The following LYZL2 variants were observed in gnomAD, a reference collection of about 807,000 sequenced individuals.
LYZL2 encodes lysozyme like 2.
In LYZL2, 13 loss-of-function variants were observed where a neutral mutation model predicts 17.1. The observed-to-expected ratio is 0.76, with a 90% CI of 0.49 to 1.21. The LOEUF is 1.21. Ranked by LOEUF, LYZL2 falls within the 50% of genes most tolerant of loss-of-function variation. The pLI, the probability that LYZL2 is intolerant of heterozygous loss-of-function variation, is 0.00. For synonymous variants in LYZL2, 63 were observed against 74.4 expected, an observed-to-expected ratio of 0.85 and a Z score of 0.79; for missense variants, 166 against 189.2, an observed-to-expected ratio of 0.88 and a Z score of 0.72.
At chr10:30,614,720 G>A (rs1588673602) in intron 3 of LYZL2, among the ~76,000 whole-genome samples, 1 of 152,166 alleles carries the variant, frequency 6.6e-6, no homozygotes, top group African/African-American at 2.4e-5. Context: ...ATACTTGCTG[G>A]TGGGAGTATA....
downstream of LYZL2, among the ~76,000 whole-genome samples, chr10:30,610,025 G>A (rs907764726): frequency 1.4e-4 from 22 of 151,982 alleles, no homozygotes; most frequent in Admixed American, 1.2e-3. Flanking sequence ...CCAATCAGGG[G>A]TATCCAATCT....
At chr10:30,627,540 A>G (rs558773679) in intron 1 of LYZL2, among the ~76,000 whole-genome samples, 15 of 152,280 alleles carry the variant, frequency 9.9e-5, no homozygotes, top group African/African-American at 3.4e-4. Flanking sequence ...ATTTACAAAT[A>G]GTAAATATAT....
At chr10:30,609,217 A>G (rs898557942), downstream of LYZL2, among the ~76,000 whole-genome samples, 1 of 152,234 alleles carries the variant, frequency 6.6e-6, no homozygotes, top group Non-Finnish European at 1.5e-5. Flanking sequence ...ACAGTGAAAG[A>G]CATGGTCTAG....
intron 1 of LYZL2, among the ~76,000 whole-genome samples, chr10:30,627,964 C>T (rs1838744470): frequency 1.3e-5 from 2 of 152,166 alleles, no homozygotes; most frequent in South Asian, 2.1e-4. Context: ...TCAAGACCAT[C>T]CTGGCTAATG....
At chr10:30,606,455 C>T in the LYZL2 span, among the ~76,000 whole-genome samples, 206 of 149,012 alleles carry the variant, frequency 1.4e-3, 1 homozygote, top group African/African-American at 4.6e-3. Flanking sequence ...CAGGATCAAT[C>T]GATCCTTCCA....
intron 3 of LYZL2, among the ~76,000 whole-genome samples, chr10:30,613,969 C>A (rs1038282640): frequency 1.3e-5 from 2 of 152,186 alleles, no homozygotes; most frequent in African/African-American, 4.8e-5. Context: ...TTTGGCCTCC[C>A]AAAGTGCTGG....
At chr10:30,610,775 T>A (rs1193619954), downstream of LYZL2, among the ~76,000 whole-genome samples, 1 of 152,176 alleles carries the variant, frequency 6.6e-6, no homozygotes, top group Non-Finnish European at 1.5e-5. Flanking sequence ...AAAAAGTGGA[T>A]GGTTTTCTTC....
chr10:30,608,715 C>T (rs1442461812), downstream of LYZL2, among the ~76,000 whole-genome samples: 1 of 152,050 alleles, frequency 6.6e-6, no homozygotes, highest in African/African-American at 2.4e-5. Flanking sequence ...TTGTGAGGAG[C>T]ATATGAAATA....
chr10:30,614,846 T>C lies in LYZL2; in HGVS notation c.299-1946A>G, dbSNP rs544278776. On this transcript the variant is annotated intron_variant, in intron 3 of 4. Coordinates refer to ENST00000647634, the MANE Select transcript of LYZL2 (RefSeq NM_183058.3). ...CAGATCTATCCTAAGGAAATAGTCA[T>C]GACACTAGACAAATATTTCTTTACA... Among the ~76,000 whole-genome samples the C allele has an allele frequency of 3.9e-5, 6 of 152,348 alleles. No homozygotes were observed. The East Asian group carries it at 1.2e-3, about 29-fold the overall frequency.
At chr10:30,629,033 G>T (rs575060430) in intron 1 of LYZL2, among the ~76,000 whole-genome samples, 1 of 152,300 alleles carries the variant, frequency 6.6e-6, no homozygotes, top group East Asian at 1.9e-4. Flanking sequence ...TTTTCAGAGA[G>T]ATCATGCCAG....
downstream of LYZL2, among the ~76,000 whole-genome samples, chr10:30,611,321 G>C (rs1013082893): frequency 6.6e-6 from 1 of 151,746 alleles, no homozygotes; most frequent in Non-Finnish European, 1.5e-5. Context: ...TCAGAAATTT[G>C]AGACCAGGCT....
chr10:30,607,332 A>G (rs191367932), downstream of LYZL2, among the ~76,000 whole-genome samples: 3 of 152,098 alleles, frequency 2.0e-5, no homozygotes, highest in East Asian at 5.8e-4. Flanking sequence ...TTCAATACCC[A>G]GCGTTTCTTT....
chr10:30,613,063 T>C (rs1224234843), intron 3 of LYZL2, among the ~76,000 whole-genome samples, 163 bp from the exon 4 acceptor site: 1 of 152,246 alleles, frequency 6.6e-6, no homozygotes, highest in Non-Finnish European at 1.5e-5. Flanking sequence ...AGCTTCTTCA[T>C]AATGAAAAGA....
At chr10:30,609,032 G>T (rs1476107051), downstream of LYZL2, among the ~76,000 whole-genome samples, 2 of 152,050 alleles carry the variant, frequency 1.3e-5, no homozygotes, top group African/African-American at 2.4e-5. Flanking sequence ...TAGAGATGGG[G>T]TCTCATTGTG....
intron 3 of LYZL2, among the ~76,000 whole-genome samples, chr10:30,622,449 T>C (rs2132946292): frequency 6.6e-6 from 1 of 151,868 alleles, no homozygotes; most frequent in East Asian, 1.9e-4. Context: ...CTCAGGAAGC[T>C]GAGGCAGAAG....
Position 30,612,887 on chromosome 10 carries a change from A to C in LYZL2, c.312T>G (p.Asp104Glu). 6.2e-7 allele frequency: 1 copy of C among 1,613,934 alleles called. No homozygotes were observed. Among genetic ancestry groups the C allele is most frequent in the Non-Finnish European group, 8.5e-7 (1 of 1,179,788 alleles). ...CACAGATAATCGCATCTGTGAGGTC[A>C]TCAGTGACCAAGGCTGTAAAAAGAG... ...CHVACSALVT[D>E]DLTDAIICAK... The change falls in exon 4 of 5, where the codon GAT becomes GAG. Residue 104 changes from aspartate to glutamate, a missense_variant. Coordinates refer to ENST00000647634, the MANE Select transcript of LYZL2 (RefSeq NM_183058.3).
intron 3 of LYZL2, among the ~76,000 whole-genome samples, chr10:30,614,363 A>C (rs921083056): frequency 2.6e-5 from 4 of 152,254 alleles, no homozygotes; most frequent in African/African-American, 9.6e-5. Flanking sequence ...AGCACTGCCC[A>C]TCAGAGTGGC....
chr10:30,629,342 T>C (rs1332334023), intron 1 of LYZL2, among the ~76,000 whole-genome samples: 1 of 151,060 alleles, frequency 6.6e-6, no homozygotes, highest in Non-Finnish European at 1.5e-5. Flanking sequence ...TGTTGTGAGT[T>C]GTGATTGTGC....
intron 3 of LYZL2, among the ~76,000 whole-genome samples, chr10:30,614,777 G>A (rs1311604433): frequency 1.3e-5 from 2 of 152,122 alleles, no homozygotes; most frequent in Non-Finnish European, 1.5e-5. Context: ...TGTGTTTAGA[G>A]CCTTAACGAG....
Sources: gnomAD v4.1 joint callset for allele counts (sites outside exome capture counted in the v4.1 genomes callset) on GRCh38, gnomAD v4.1.1 for gene constraint, MANE v1.5 for transcripts, NCBI Gene and HGNC (gene_info 2026-07-23, HGNC 2026-07-21) for gene names.